Variants in WWOX observed in about 807,000 individuals in gnomAD.
The protein encoded by WWOX is WW domain containing oxidoreductase, also known as WW domain-containing oxidoreductase.
In WWOX, 69 loss-of-function variants were observed where a neutral mutation model predicts 46.2. That is an observed-to-expected ratio of 1.49 (90% CI 1.23 to 1.82). The LOEUF is 1.82. Ranked by LOEUF, WWOX falls within the 40% of genes most tolerant of loss-of-function variation. WWOX has a pLI of 0.00. For missense variants in WWOX, 919 were observed against 542.6 expected (o/e 1.69, Z -6.89); for synonymous variants, 359 against 202.6 (o/e 1.77, Z -6.56).
At chr16:78,861,104 G>A (rs1259817205) in intron 8 of WWOX, among the ~76,000 whole-genome samples, 1 of 152,118 alleles carries the variant, frequency 6.6e-6, no homozygotes, top group Non-Finnish European at 1.5e-5. Flanking sequence ...ATAGGTGTGA[G>A]CCACTGTGCA....
chr16:78,863,054 G>T (rs59577991), intron 8 of WWOX, among the ~76,000 whole-genome samples: 9,915 of 151,358 alleles, frequency 0.066, 451 homozygotes, highest in East Asian at 0.22. Context: ...TGCCTCCCAG[G>T]TTCAAGCGAT....
At position 79,211,776 on chromosome 16, in the gene WWOX, C is replaced by A. The variant is rs2051764245; in HGVS notation, c.1225C>A (p.Leu409Ile). ...CAGCGAGAGGCTGATCCAAGAACGG[C>A]TTGGCAGCCAGTCCGGCTAAGTGGA... is the stretch of plus-strand genomic sequence containing the variant. ...ALSERLIQER[L>I]GSQSG is the part of the protein sequence containing the mutation. The change falls in exon 9 of 9, where the codon CTT (leucine) becomes ATT (isoleucine). Residue 409 changes from leucine (L) to isoleucine (I), a missense_variant. By Grantham distance (5) the Leu-to-Ile change is conservative (BLOSUM62 2). Transcript: ENST00000566780. 1 of 1,614,124 alleles carries A rather than the reference C, an allele frequency of 6.2e-7. No individual in the cohort carries two copies. Among genetic ancestry groups the A allele is most frequent in the Non-Finnish European group, 8.5e-7 (1 of 1,179,972 alleles).
intron 8 of WWOX, among the ~76,000 whole-genome samples, chr16:78,804,590 G>A (rs531519360): frequency 6.6e-6 from 1 of 152,178 alleles, no homozygotes; most frequent in African/African-American, 2.4e-5. Flanking sequence ...TTCATACCCA[G>A]GTCTTACACG....
At chr16:78,517,584 G>A (rs543209591) in intron 8 of WWOX, among the ~76,000 whole-genome samples, 5 of 152,048 alleles carry the variant, frequency 3.3e-5, no homozygotes, top group South Asian at 2.1e-4. Context: ...ATTGTGGTCC[G>A]GAGAGGGTGG....
At chr16:78,585,185 C>G (rs2738539) in intron 8 of WWOX, among the ~76,000 whole-genome samples, 1 of 152,338 alleles carries the variant, frequency 6.6e-6, no homozygotes, top group African/African-American at 2.4e-5. Flanking sequence ...CGGGCTATTT[C>G]TGACCACAGG....
intron 5 of WWOX, among the ~76,000 whole-genome samples, chr16:78,382,573 C>A (rs778583339): frequency 1.3e-5 from 2 of 152,194 alleles, no homozygotes; most frequent in East Asian, 3.9e-4. Flanking sequence ...ATTCAGCCCA[C>A]GTCTTACTGA....
intron 8 of WWOX, among the ~76,000 whole-genome samples, chr16:78,536,787 G>A (rs981108266): frequency 6.6e-6 from 1 of 151,976 alleles, no homozygotes; most frequent in Non-Finnish European, 1.5e-5. Context: ...AGCTGATGTG[G>A]ATTATTTCTC....
intron 8 of WWOX, among the ~76,000 whole-genome samples, chr16:79,030,171 C>T (rs991853795): frequency 2.0e-5 from 3 of 152,210 alleles, no homozygotes; most frequent in African/African-American, 7.2e-5. Flanking sequence ...TTTCCGTTAT[C>T]ATAGCCATTG....
chr16:79,154,556 T>C (rs2050344125), intron 8 of WWOX, among the ~76,000 whole-genome samples: 1 of 152,068 alleles, frequency 6.6e-6, no homozygotes, highest in African/African-American at 2.4e-5. Context: ...AGCCACTCTT[T>C]TCTGAAGTGA....
chr16:78,994,977 T>C (rs1232097655), intron 8 of WWOX, among the ~76,000 whole-genome samples: 1 of 145,550 alleles, frequency 6.9e-6, no homozygotes, highest in Non-Finnish European at 1.5e-5. Flanking sequence ...TTCTTTTTTT[T>C]TTTTTTTTTT....
At chr16:78,665,190 A>G (rs1597414181) in intron 8 of WWOX, among the ~76,000 whole-genome samples, 1 of 152,110 alleles carries the variant, frequency 6.6e-6, no homozygotes, top group African/African-American at 2.4e-5. Flanking sequence ...ATGACGGGCA[A>G]CAGATTTCCA....
At chr16:79,070,685 C>A (rs2048533791) in intron 8 of WWOX, among the ~76,000 whole-genome samples, 1 of 152,322 alleles carries the variant, frequency 6.6e-6, no homozygotes, top group Non-Finnish European at 1.5e-5. Flanking sequence ...AATCCAGGAG[C>A]TGGCTTGCTT....
At chr16:78,451,029 T>G (rs1380864692) in intron 8 of WWOX, among the ~76,000 whole-genome samples, 1 of 152,178 alleles carries the variant, frequency 6.6e-6, no homozygotes, top group East Asian at 1.9e-4. Context: ...GGAAGAGTCT[T>G]TCTTGGACTG....
chr16:78,960,843 G>A (rs765068661), intron 8 of WWOX, among the ~76,000 whole-genome samples: 7 of 152,120 alleles, frequency 4.6e-5, no homozygotes, highest in South Asian at 2.1e-4. Flanking sequence ...CTCTGCCTCA[G>A]TTGCTTTATT....
At chr16:78,844,964 G>T (rs545713948) in intron 8 of WWOX, among the ~76,000 whole-genome samples, 1 of 152,298 alleles carries the variant, frequency 6.6e-6, no homozygotes, top group African/African-American at 2.4e-5. Context: ...ATTGAGGCAG[G>T]AAGTCTTAAC....
intron 8 of WWOX, among the ~76,000 whole-genome samples, chr16:78,835,849 C>A (rs756302981): frequency 2.0e-5 from 3 of 152,200 alleles, no homozygotes; most frequent in Non-Finnish European, 4.4e-5. Flanking sequence ...AAATTCAAAT[C>A]TGAATTCAAC....
chr16:78,887,063 A>ATGTG (rs142882663), intron 8 of WWOX, among the ~76,000 whole-genome samples: 1 of 31,034 alleles, frequency 3.2e-5, no homozygotes, highest in Non-Finnish European at 1.2e-4. Flanking sequence ...GTCTGGCTAT[A>ATGTG]TGTGTGTGTG....
chr16:78,873,856 C>G (rs1015105654), intron 8 of WWOX, among the ~76,000 whole-genome samples: 7 of 152,094 alleles, frequency 4.6e-5, no homozygotes, highest in Admixed American at 3.9e-4. Context: ...AGGCCATGTG[C>G]TTAGTCCCTG....
intron 8 of WWOX, among the ~76,000 whole-genome samples, chr16:78,637,383 G>C (rs1403847770): frequency 1.3e-5 from 2 of 151,872 alleles, no homozygotes; most frequent in Admixed American, 6.6e-5. Flanking sequence ...AGAGGTTGCA[G>C]TGAGCCAAGA....
Sources: allele counts gnomAD v4.1 joint callset (sites outside exome capture counted in the v4.1 genomes callset), GRCh38; gene constraint gnomAD v4.1.1; transcripts MANE v1.5; gene names NCBI Gene and HGNC (gene_info 2026-07-23, HGNC 2026-07-21).